Variants in RAPGEF1 observed in about 807,000 individuals in gnomAD.
RAPGEF1 encodes the protein CRK SH3-binding GNRP.
RAPGEF1 carries 33 observed loss-of-function variants against 143.3 expected under a neutral mutation model. That is an observed-to-expected ratio of 0.23 (90% CI 0.17 to 0.31). The LOEUF (loss-of-function observed/expected upper bound fraction) is 0.31. Among genes scored for constraint, RAPGEF1 ranks in the 10% least tolerant of loss-of-function variants. RAPGEF1 has a pLI of 1.00. For missense variants in RAPGEF1, 1,199 were observed against 1,645.4 expected, an observed-to-expected ratio of 0.73 and a Z score of 4.69; for synonymous variants, 629 against 676.5, an observed-to-expected ratio of 0.93 and a Z score of 1.09.
At chr9:131,582,032 G>GTAAGTC (rs1951938753) in intron 25 of RAPGEF1, among the ~76,000 whole-genome samples, 3 of 152,182 alleles carry the variant, frequency 2.0e-5, no homozygotes. Context: ...AAAGGCTCTC[G>GTAAGTC]TAAGTCCTGC....
chr9:131,667,327 C>G lies in RAPGEF1; in HGVS notation c.62-16378G>C, dbSNP rs1006173375. Among the ~76,000 whole-genome samples, 6 of 151,860 alleles carry G rather than the reference C, an allele frequency of 4.0e-5. No individual in the cohort carries two copies. The highest frequency in any genetic ancestry group is 1.5e-4 in the African/African-American group (6 of 41,302). On this transcript the variant is annotated intron_variant, in intron 1 of 26. Coordinates refer to ENST00000683357, the MANE Select transcript of RAPGEF1 (RefSeq NM_001377935.1). This position sits in a 1 kb window ranked among gnomAD's most constrained non-coding sequence, Gnocchi z 4.6. Reference sequence around the variant, plus strand: ...ATTACCACTCAACAGATGAGGAGACCGAGTCACAGGCGGCTTCCTGCTCGC... The same window carrying G: ...ATTACCACTCAACAGATGAGGAGACGGAGTCACAGGCGGCTTCCTGCTCGC...
At chr9:131,685,978 C>T (rs1026421443) in intron 1 of RAPGEF1, among the ~76,000 whole-genome samples, 4 of 151,934 alleles carry the variant, frequency 2.6e-5, no homozygotes, top group African/African-American at 7.3e-5. Flanking sequence ...GATGGAGAGG[C>T]GAGGTGACTG....
At chr9:131,737,476 G>C in intron 1 of RAPGEF1, 2 of 1,613,706 alleles carry the variant, frequency 1.2e-6, no homozygotes, top group Non-Finnish European at 1.7e-6. Flanking sequence ...GGTTAGACAA[G>C]CTTCTCTGGG....
At chr9:131,663,243 C>T (rs1189634160) in intron 1 of RAPGEF1, among the ~76,000 whole-genome samples, 1 of 152,170 alleles carries the variant, frequency 6.6e-6, no homozygotes, top group Non-Finnish European at 1.5e-5. Flanking sequence ...TTCTCTATCA[C>T]AGAAACACAC....
At chr9:131,598,688 G>T in intron 15 of RAPGEF1, 1 of 402,430 alleles carries the variant, frequency 2.5e-6, no homozygotes, top group South Asian at 1.9e-5. Context: ...TGCTCTTGAG[G>T]CTGCTCCCCA....
rs1837645949 is a variant in RAPGEF1, at chr9:131,739,953, G to T, written c.-123C>A. On this transcript the variant is annotated 5_prime_UTR_variant, in exon 1 of 27. Coordinates refer to ENST00000683357, the MANE Select transcript of RAPGEF1 (RefSeq NM_001377935.1). ...GGGCTCCGCGCGGCCGCGGCCCTGC[G>T]CTCGGCGACCGCGCTCCAGCCCGCC... 2.1e-6 allele frequency: 1 copy of T among 484,216 alleles called. No homozygotes were observed. Among genetic ancestry groups the T allele is most frequent in the Non-Finnish European group, 2.7e-6 (1 of 375,820 alleles). The allele number at this position is 484,216 out of a possible 1,614,324, so 30.0% of individuals were successfully genotyped here.
chr9:131,650,689 A>G lies in RAPGEF1; in HGVS notation c.201+121T>C, dbSNP rs955170931. ...GGACACCAAAGGTCCCGCCCATGGA[A>G]TGCTACGAAGTAGGTATGATGCACT... On this transcript the variant is annotated intron_variant, in intron 2 of 26. Coordinates refer to ENST00000683357, the MANE Select transcript of RAPGEF1 (RefSeq NM_001377935.1). This position sits in a 1 kb window ranked among gnomAD's most constrained non-coding sequence, Gnocchi z 4.7. The G allele has an allele frequency of 3.7e-5, 52 of 1,390,846 alleles. No individual in the cohort carries two copies. In the African/African-American group the frequency reaches 6.8e-4, roughly 18 times the overall value. 86.2% of individuals were successfully genotyped at this position (1,390,846 alleles called of 1,614,324 possible).
At chr9:131,673,679 C>T (rs1040196524) in intron 1 of RAPGEF1, among the ~76,000 whole-genome samples, 1 of 152,150 alleles carries the variant, frequency 6.6e-6, no homozygotes, top group African/African-American at 2.4e-5. Context: ...CTGTGGAGGG[C>T]TACAAAAGCA....
chr9:131,629,300 G>A (rs757738493), intron 6 of RAPGEF1, 46 bp from the exon 7 acceptor site: 1 of 1,573,388 alleles, frequency 6.4e-7, no homozygotes. Flanking sequence ...TCAAAGGCGG[G>A]ACAGAGCACA....
chr9:131,579,519 GT>G lies in RAPGEF1; in HGVS notation c.3769del (p.Thr1257GlnfsTer46), dbSNP rs1292761707. Reference sequence around the variant, plus strand: ...CTCCTAGGTCTTCTCTTCCCGGTCTGTTTTTCTCCTTGTTATGTTCCTGGGT... The same window carrying G: ...CTCCTAGGTCTTCTCTTCCCGGTCTGTTTTCTCCTTGTTATGTTCCTGGGT... The part of the protein sequence containing the change: ...IKPRNITRRK[T>X]DREEKT On this transcript the variant is annotated frameshift_variant, in exon 27 of 27. Coordinates refer to ENST00000683357, the MANE Select transcript of RAPGEF1 (RefSeq NM_001377935.1). LOFTEE classifies it high-confidence loss of function. 1.2e-6 allele frequency: 2 copies of G among 1,613,886 alleles called. No individual in the cohort carries two copies. Among genetic ancestry groups the G allele is most frequent in the African/African-American group, 2.7e-5 (2 of 74,934 alleles).
At chr9:131,618,999 G>A (rs923124047) in intron 12 of RAPGEF1, 52 bp downstream of exon 12, 7 of 1,316,134 alleles carry the variant, frequency 5.3e-6, no homozygotes, top group Non-Finnish European at 7.0e-6. Context: ...CGCTTCCAAG[G>A]AACGGCCCTG....
At chr9:131,600,470 A>G (rs968172353) in intron 15 of RAPGEF1, among the ~76,000 whole-genome samples, 3 of 152,226 alleles carry the variant, frequency 2.0e-5, no homozygotes, top group African/African-American at 7.2e-5. Context: ...GACAAGTCAG[A>G]GAGACAAGTC....
At position 131,626,075 on chromosome 9, in the gene RAPGEF1, G is replaced by A; in HGVS notation, c.1549C>T (p.Pro517Ser). Residue 517 changes from proline (P) to serine (S), a missense_variant, in exon 10 of 27, where the codon CCA becomes TCA. Physicochemically the swap from Pro to Ser is moderately conservative, Grantham distance 74. Transcript: ENST00000683357. ...GEDLQSTAPI[P>S]SVPYAPFAAI... ...GCAAAGGGCGCGTAGGGGACGGATG[G>A]GATCGGGGCTGTGCTCTGCAGGTCC... is the stretch of plus-strand genomic sequence containing the variant. 6.2e-7 allele frequency: 1 copy of A among 1,613,932 alleles called. No individual in the cohort carries two copies. Among genetic ancestry groups the A allele is most frequent in the Non-Finnish European group, 8.5e-7 (1 of 1,179,828 alleles).
rs770094684 is a variant in RAPGEF1, at chr9:131,586,967, AACAC to A, written c.3233+765_3233+768del. 2.2e-3 allele frequency among the ~76,000 whole-genome samples: 62 copies of A among 28,686 alleles called. 2 individuals are homozygous for A. Among genetic ancestry groups the A allele is most frequent in the African/African-American group, 8.5e-3 (55 of 6,450 alleles). 18.8% of individuals were successfully genotyped at this position (28,686 alleles called of 152,430 possible). A position where few individuals can be genotyped will look rare whatever the true frequency, so the allele number is the denominator to read the frequency against. On this transcript the variant is annotated intron_variant, in intron 22 of 26. Coordinates refer to ENST00000683357, the MANE Select transcript of RAPGEF1 (RefSeq NM_001377935.1). ...ACCTGCAGAGCGAGACTCCGTCTCA[AACAC>A]ACACACACACACACACCTGCAGAGT...
At chr9:131,639,119 C>T (rs1966994520) in intron 4 of RAPGEF1, among the ~76,000 whole-genome samples, 1 of 152,160 alleles carries the variant, frequency 6.6e-6, no homozygotes, top group Admixed American at 6.5e-5. Context: ...AGGAGTGCCC[C>T]ATCTTCCCCT....
rs1200572835 is a variant in RAPGEF1 at position 131,633,248 on chromosome 9, T to G, written c.652-2924A>C. On this transcript the variant is annotated intron_variant, in intron 5 of 26. Coordinates refer to ENST00000683357, the MANE Select transcript of RAPGEF1 (RefSeq NM_001377935.1). Reference sequence around the variant, plus strand: ...GGAGGAGGAGAGACTACACAATCAGTGAAGAGAGCAGTTAGAAAAGAGGCA... The same window carrying G: ...GGAGGAGGAGAGACTACACAATCAGGGAAGAGAGCAGTTAGAAAAGAGGCA... Among the ~76,000 whole-genome samples the G allele has an allele frequency of 2.6e-5, 4 of 152,176 alleles. No homozygotes were observed. In the East Asian group the frequency reaches 7.7e-4, roughly 29 times the overall value.
At chr9:131,604,459 G>T (rs1251656618) in intron 13 of RAPGEF1, among the ~76,000 whole-genome samples, 1 of 152,080 alleles carries the variant, frequency 6.6e-6, no homozygotes, top group Non-Finnish European at 1.5e-5. Context: ...AAGCGCTACA[G>T]GCACTTTAAC....
At chr9:131,705,611 C>A (rs1008306639) in intron 1 of RAPGEF1, among the ~76,000 whole-genome samples, 1 of 152,080 alleles carries the variant, frequency 6.6e-6, no homozygotes. Flanking sequence ...TGCGGTAATA[C>A]AAATGAGTCA....
intron 1 of RAPGEF1, among the ~76,000 whole-genome samples, chr9:131,717,749 AGAGT>A (rs960338128): frequency 1.4e-5 from 2 of 138,040 alleles, no homozygotes; most frequent in African/African-American, 5.2e-5. Context: ...CCTGTGCAAC[AGAGT>A]GAGACTGTCT....
Sources: gnomAD v4.1 joint callset for allele counts (sites outside exome capture counted in the v4.1 genomes callset) on GRCh38, gnomAD v4.1.1 for gene constraint, Gnocchi (gnomAD v3.1) non-coding constraint, MANE v1.5 for transcripts, NCBI Gene and HGNC (gene_info 2026-07-23, HGNC 2026-07-21) for gene names.